NCKAP1: variants seen among roughly 807,000 people sequenced by gnomAD.
The protein encoded by NCKAP1 is nck-associated protein 1.
NCKAP1 carries 21 observed loss-of-function variants against 151.2 expected under a neutral mutation model. The ratio of observed to expected loss-of-function variants is 0.14; its 90% CI spans 0.10 to 0.20. The LOEUF (loss-of-function observed/expected upper bound fraction) is 0.20. Ranked by LOEUF, NCKAP1 falls within the 10% of genes least tolerant of loss-of-function variation. The probability of loss-of-function intolerance (pLI) is 1.00; values close to 1 mark genes in which losing one functional copy is unlikely to be tolerated. For missense variants in NCKAP1, 933 were observed against 1,352.1 expected (o/e 0.69, Z 4.86); for synonymous variants, 484 against 451.8 (o/e 1.07, Z -0.90).
At chr2:183,030,850 A>C (rs1698992333) in intron 1 of NCKAP1, among the ~76,000 whole-genome samples, 1 of 152,220 alleles carries the variant, frequency 6.6e-6, no homozygotes, top group Non-Finnish European at 1.5e-5. Context: ...AAAACTTTAT[A>C]TCAAGAGCAA....
In NCKAP1 at chr2:183,037,988, G is replaced by T; in HGVS notation, c.108+4C>A. Reference sequence around the variant, plus strand: ...CCGCCGCGGCCTCCCCGGCCCGTGCGCACCTTCTTGATGTTGTAGAGGCGG... The same window carrying T: ...CCGCCGCGGCCTCCCCGGCCCGTGCTCACCTTCTTGATGTTGTAGAGGCGG... On this transcript the variant is annotated splice_donor_region_variant and intron_variant, in intron 1 of 30. Transcript: ENST00000361354. 1 of 1,576,998 alleles carries T rather than the reference G, an allele frequency of 6.3e-7. No individual in the cohort carries two copies. Among genetic ancestry groups the T allele is most frequent in the Non-Finnish European group, 8.6e-7 (1 of 1,168,718 alleles).
chr2:182,983,410 A>C, intron 10 of NCKAP1, 28 bp from the exon 11 acceptor site: 1 of 1,451,198 alleles, frequency 6.9e-7, no homozygotes, highest in Non-Finnish European at 9.6e-7. Context: ...ATAATAGTTT[A>C]TCTGCTTCTA....
chr2:182,977,520 T>C (rs968971827), intron 14 of NCKAP1, among the ~76,000 whole-genome samples: 1 of 152,014 alleles, frequency 6.6e-6, no homozygotes, highest in Non-Finnish European at 1.5e-5. Flanking sequence ...TCATGCACTA[T>C]TATTCTGCTA....
intron 14 of NCKAP1, among the ~76,000 whole-genome samples, chr2:182,977,684 T>G (rs1037142568): frequency 6.6e-6 from 1 of 152,054 alleles, no homozygotes; most frequent in African/African-American, 2.4e-5. Flanking sequence ...GAAAGTTGAA[T>G]GGAGGTTGCC....
At chr2:183,032,077 A>G (rs533699637) in intron 1 of NCKAP1, among the ~76,000 whole-genome samples, 1 of 152,306 alleles carries the variant, frequency 6.6e-6, no homozygotes, top group South Asian at 2.1e-4. Flanking sequence ...GTTCAAGTTA[A>G]GTTTGGGTCA....
chr2:183,038,273 G>A lies in NCKAP1; in HGVS notation c.-174C>T. 2 of 429,284 alleles carry A rather than the reference G, an allele frequency of 4.7e-6. No homozygotes were observed. Among genetic ancestry groups the A allele is most frequent in the South Asian group, 4.9e-5 (1 of 20,476 alleles). The allele number at this position is 429,284 out of a possible 1,614,324, so 26.6% of individuals were successfully genotyped here. A position where few individuals can be genotyped will look rare whatever the true frequency, so the allele number is the denominator to read the frequency against. ...CGCGCCGGCGACAGAGCGAGCCGCG[G>A]CGGACTCCTCGGAGCCCCTTCTCCC... On this transcript the variant is annotated 5_prime_UTR_variant, in exon 1 of 31. Transcript: ENST00000361354.
chr2:182,923,795 TTC>T lies in NCKAP1; in HGVS notation c.*1905_*1906del, dbSNP rs1407694656. The T allele has an allele frequency of 6.6e-6, 1 of 152,192 alleles. No homozygotes were observed. The highest frequency in any genetic ancestry group is 1.5e-5 in the Non-Finnish European group (1 of 68,030). 9.4% of individuals were successfully genotyped at this position (152,192 alleles called of 1,614,324 possible). On this transcript the variant is annotated 3_prime_UTR_variant, in exon 31 of 31. Transcript: ENST00000361354. Reference sequence around the variant, plus strand: ...TAGTTGTCAATTTACTTTTAACTTTTTCCTCCAAGTTACCTTTGCCACGCCTC... The same window carrying T: ...TAGTTGTCAATTTACTTTTAACTTTTCTCCAAGTTACCTTTGCCACGCCTC...
rs146482037 is a variant in NCKAP1, at chr2:182,929,748, T to C, written c.2954-849A>G. On this transcript the variant is annotated intron_variant, in intron 27 of 30. Transcript: ENST00000361354. ...ATACTGTATGAATGAGGAAACAAAA[T>C]TGCATTGTTAAATGAAAAAAAAAAA... 5.5e-5 allele frequency among the ~76,000 whole-genome samples: 8 copies of C among 146,458 alleles called. No homozygotes were observed. The East Asian group carries it at 1.2e-3, about 21-fold the overall frequency.
intron 18 of NCKAP1, 89 bp from the exon 19 acceptor site, chr2:182,957,685 C>G (rs1004762822): frequency 5.6e-5 from 76 of 1,350,942 alleles, no homozygotes; most frequent in Middle Eastern, 2.0e-4. Context: ...TGAATCCAGG[C>G]TGTGTTGCAA....
chr2:182,995,374 T>C (rs1443402408), intron 7 of NCKAP1, among the ~76,000 whole-genome samples: 4 of 152,218 alleles, frequency 2.6e-5, no homozygotes, highest in Admixed American at 6.5e-5. Flanking sequence ...AATGATTTTG[T>C]CTACTTGGTT....
intron 20 of NCKAP1, among the ~76,000 whole-genome samples, chr2:182,953,959 T>C (rs980744438): frequency 1.3e-5 from 2 of 152,206 alleles, no homozygotes; most frequent in Non-Finnish European, 2.9e-5. Context: ...GTGAACTATT[T>C]AGTCTACAGC....
At chr2:183,014,735 T>C (rs997180344) in intron 2 of NCKAP1, among the ~76,000 whole-genome samples, 6 of 152,180 alleles carry the variant, frequency 3.9e-5, no homozygotes, top group African/African-American at 1.4e-4. Flanking sequence ...CAAAAGGTAG[T>C]ACTGAACCTG....
chr2:182,927,840 G>C (rs1696679717), intron 29 of NCKAP1, among the ~76,000 whole-genome samples: 1 of 151,850 alleles, frequency 6.6e-6, no homozygotes, highest in South Asian at 2.1e-4. Context: ...CTCTAGAGTT[G>C]GGAAAGAGAC....
intron 15 of NCKAP1, among the ~76,000 whole-genome samples, chr2:182,969,652 G>GT (rs1697645924): frequency 6.6e-6 from 1 of 151,950 alleles, no homozygotes; most frequent in East Asian, 1.9e-4. Flanking sequence ...AAAAGCAGTA[G>GT]TAAGAGGAAA....
chr2:182,981,890 C>CA (rs1346792085), intron 12 of NCKAP1, among the ~76,000 whole-genome samples: 3 of 106,574 alleles, frequency 2.8e-5, no homozygotes, highest in Non-Finnish European at 5.3e-5. Flanking sequence ...GCCTGGGTGA[C>CA]AGAGTAAAAC....
rs1009283139 is a variant in NCKAP1 at position 182,981,461 on chromosome 2, A to G, written c.1209-85T>C. On this transcript the variant is annotated intron_variant, in intron 12 of 30. Coordinates refer to ENST00000361354, the MANE Select transcript of NCKAP1 (RefSeq NM_013436.5). ...ATTCGATGCCCTTAATCTTATTTCT[A>G]AAAGTATTTTTCTTATAAAGGGCAT... 5.4e-5 allele frequency: 59 copies of G among 1,098,544 alleles called. No individual in the cohort carries two copies. The Middle Eastern group carries it at 7.3e-4, about 14-fold the overall frequency. The allele number at this position is 1,098,544 out of a possible 1,614,324, so 68.0% of individuals were successfully genotyped here.
chr2:182,945,687 C>T (rs1697089725), intron 23 of NCKAP1, among the ~76,000 whole-genome samples: 1 of 152,142 alleles, frequency 6.6e-6, no homozygotes, highest in South Asian at 2.1e-4. Flanking sequence ...AAAAGAAATG[C>T]TTTATGCACT....
rs1559101577 is a variant in NCKAP1 at position 183,002,289 on chromosome 2, A to C, written c.370-20T>G. Reference sequence around the variant, plus strand: ...TACAGTCTAGGAGAAAAAAAAATCAAGTTCAACTACTTCCTATTTCTTAAA... The same window carrying C: ...TACAGTCTAGGAGAAAAAAAAATCACGTTCAACTACTTCCTATTTCTTAAA... On this transcript the variant is annotated intron_variant, in intron 4 of 30. Coordinates refer to ENST00000361354, the MANE Select transcript of NCKAP1 (RefSeq NM_013436.5). 6.9e-7 allele frequency: 1 copy of C among 1,440,334 alleles called. No individual in the cohort carries two copies. The highest frequency in any genetic ancestry group is 9.5e-7 in the Non-Finnish European group (1 of 1,057,070). 89.2% of individuals were successfully genotyped at this position (1,440,334 alleles called of 1,614,324 possible).
At position 182,931,539 on chromosome 2, in the gene NCKAP1, C is replaced by A. The variant is rs76454826; in HGVS notation, c.2860-751G>T. The stretch of plus-strand genomic sequence containing the variant: ...AAATTAACTCAAAATAAATCATAAA[C>A]CTAAATGTAAGAGCTAAAACTGTAA... On this transcript the variant is annotated intron_variant, in intron 26 of 30. Coordinates refer to ENST00000361354, the MANE Select transcript of NCKAP1 (RefSeq NM_013436.5). 1.6e-4 allele frequency among the ~76,000 whole-genome samples: 25 copies of A among 152,094 alleles called. No homozygotes were observed. In the East Asian group the frequency reaches 4.8e-3, roughly 29 times the overall value.
Sources: allele counts gnomAD v4.1 joint callset (sites outside exome capture counted in the v4.1 genomes callset), GRCh38; gene constraint gnomAD v4.1.1; transcripts MANE v1.5; gene names NCBI Gene and HGNC (gene_info 2026-07-23, HGNC 2026-07-21).